NEGR1: variants seen among roughly 807,000 people sequenced by gnomAD.
The protein encoded by NEGR1 is neuronal growth regulator 1, also known as IgLON family member 4.
A neutral mutation model predicts 40.9 loss-of-function variants in NEGR1; 10 were observed. The ratio of observed to expected loss-of-function variants is 0.24; its 90% CI spans 0.15 to 0.42. The LOEUF is 0.42. NEGR1 is among the 10% of genes least tolerant of loss of function. NEGR1 has a pLI of 1.00. For missense variants in NEGR1, 352 were observed against 438.9 expected, an observed-to-expected ratio of 0.80 and a Z score of 1.77; for synonymous variants, 185 against 166.8, an observed-to-expected ratio of 1.11 and a Z score of -0.84.
chr1:71,706,683 C>G (rs572102441), intron 3 of NEGR1, among the ~76,000 whole-genome samples: 79 of 151,754 alleles, frequency 5.2e-4, no homozygotes, highest in African/African-American at 1.9e-3. Context: ...GGGCATGGAT[C>G]AGACTCAAAA....
intron 1 of NEGR1, among the ~76,000 whole-genome samples, chr1:72,175,699 T>C (rs981303620): frequency 2.0e-5 from 3 of 151,748 alleles, no homozygotes; most frequent in African/African-American, 7.3e-5. Flanking sequence ...AAAAAACACA[T>C]GTGAACACAA....
intron 1 of NEGR1, among the ~76,000 whole-genome samples, chr1:72,223,006 C>A (rs1570141710): frequency 6.6e-6 from 1 of 152,110 alleles, no homozygotes; most frequent in African/African-American, 2.4e-5. Flanking sequence ...GTTGTGCCTA[C>A]TGGACATTTA....
intron 1 of NEGR1, among the ~76,000 whole-genome samples, chr1:71,964,006 G>T (rs1221648750): frequency 6.6e-6 from 1 of 152,002 alleles, no homozygotes; most frequent in Admixed American, 6.6e-5. Context: ...AATGATGAGG[G>T]GTGGTGTTCT....
chr1:72,175,901 T>C (rs1652147268), intron 1 of NEGR1, among the ~76,000 whole-genome samples: 1 of 152,120 alleles, frequency 6.6e-6, no homozygotes, highest in Non-Finnish European at 1.5e-5. Context: ...TAAATAAAAC[T>C]ATTTTATGTC....
Position 72,012,876 on chromosome 1 carries a change from TA to T in NEGR1, c.177-77566del, listed in dbSNP as rs1167879324. ...ATATATACACACACACATATATATATATTTTTTTTTTTGTAGAGCAAGATAC... is the reference window on the plus strand; with the variant it reads ...ATATATACACACACACATATATATATTTTTTTTTTTTGTAGAGCAAGATAC... On this transcript the variant is annotated intron_variant, in intron 1 of 6. Transcript: ENST00000357731. 6.8e-3 allele frequency among the ~76,000 whole-genome samples: 692 copies of T among 101,316 alleles called. 3 individuals carry two copies. The highest frequency in any genetic ancestry group is 0.028 in the African/African-American group (624 of 22,020). 66.5% of individuals were successfully genotyped at this position (101,316 alleles called of 152,430 possible).
intron 1 of NEGR1, among the ~76,000 whole-genome samples, chr1:72,075,936 G>A (rs982601826): frequency 1.3e-5 from 2 of 152,074 alleles, no homozygotes; most frequent in Non-Finnish European, 2.9e-5. Flanking sequence ...GTTGATTTTT[G>A]CAAATCTCAA....
intron 3 of NEGR1, among the ~76,000 whole-genome samples, chr1:71,773,312 GACATGAGGTATATCT>G (rs1656394041): frequency 1.3e-5 from 2 of 152,112 alleles, no homozygotes; most frequent in South Asian, 4.1e-4. Flanking sequence ...TTCTCGTGTT[GACATGAGGTATATCT>G]ACATCTGTTT....
Position 71,398,903 on chromosome 1 carries a change from G to A in NEGR1, c.*8543C>T, listed in dbSNP as rs1436876219. On this transcript the variant is annotated 3_prime_UTR_variant, in exon 7 of 7. Coordinates refer to ENST00000357731, the MANE Select transcript of NEGR1 (RefSeq NM_173808.3). ...CTCATGAGATCTGATGGTTTTATAA[G>A]GGGGAGTTTATCTGCACAAGCTCTT... The A allele has an allele frequency of 1.3e-5, 2 of 152,170 alleles. No individual in the cohort carries two copies. Among genetic ancestry groups the A allele is most frequent in the Non-Finnish European group, 2.9e-5 (2 of 68,076 alleles). The allele number at this position is 152,170 out of a possible 1,614,324, so 9.4% of individuals were successfully genotyped here. A position where few individuals can be genotyped will look rare whatever the true frequency, so the allele number is the denominator to read the frequency against.
intron 1 of NEGR1, among the ~76,000 whole-genome samples, chr1:72,199,810 T>C (rs1363902455): frequency 1.6e-4 from 25 of 151,690 alleles, no homozygotes; most frequent in African/African-American, 4.8e-5. Flanking sequence ...CAAAAATCTA[T>C]GAGGAACTTA....
intron 1 of NEGR1, among the ~76,000 whole-genome samples, chr1:71,961,103 T>G (rs528636201): frequency 6.6e-6 from 1 of 152,312 alleles, no homozygotes; most frequent in African/African-American, 2.4e-5. Context: ...TCTAATTTCC[T>G]GATCATATTT....
At chr1:71,859,822 T>C (rs1018198998) in intron 2 of NEGR1, among the ~76,000 whole-genome samples, 4 of 152,198 alleles carry the variant, frequency 2.6e-5, no homozygotes, top group Admixed American at 2.0e-4. Context: ...TCAACAAAAT[T>C]GTATTTAATT....
chr1:72,102,332 T>G (rs1648978560), intron 1 of NEGR1, among the ~76,000 whole-genome samples: 1 of 151,938 alleles, frequency 6.6e-6, no homozygotes, highest in African/African-American at 2.4e-5. Flanking sequence ...ATAAGAAAGC[T>G]CCATGGTCTT....
chr1:72,244,537 C>T (rs1003429575), intron 1 of NEGR1, among the ~76,000 whole-genome samples: 12 of 151,784 alleles, frequency 7.9e-5, no homozygotes, highest in South Asian at 2.1e-4. Context: ...TCTTTTATTT[C>T]GTATTACCAA....
intron 1 of NEGR1, among the ~76,000 whole-genome samples, chr1:71,956,962 T>G (rs547487882): frequency 5.3e-5 from 8 of 152,266 alleles, no homozygotes; most frequent in African/African-American, 1.9e-4. Context: ...TCTCTTCAAA[T>G]TCTACTTCCA....
intron 6 of NEGR1, among the ~76,000 whole-genome samples, chr1:71,581,271 T>C (rs1220515111): frequency 6.6e-6 from 1 of 152,184 alleles, no homozygotes; most frequent in Non-Finnish European, 1.5e-5. Flanking sequence ...TACAGGTTGA[T>C]TTATTGCTTA....
chr1:71,722,025 G>C (rs915309591), intron 3 of NEGR1, among the ~76,000 whole-genome samples: 2 of 152,200 alleles, frequency 1.3e-5, no homozygotes, highest in African/African-American at 4.8e-5. Context: ...ATTTTAACTA[G>C]GGTAAGACGT....
At chr1:71,753,034 C>T (rs905815279) in intron 3 of NEGR1, among the ~76,000 whole-genome samples, 1 of 152,066 alleles carries the variant, frequency 6.6e-6, no homozygotes, top group Non-Finnish European at 1.5e-5. Context: ...TGGGGTCTAT[C>T]AGAATTGAGT....
At chr1:72,231,978 T>C (rs895491720) in intron 1 of NEGR1, among the ~76,000 whole-genome samples, 3 of 152,136 alleles carry the variant, frequency 2.0e-5, no homozygotes, top group African/African-American at 7.2e-5. Flanking sequence ...TGCCTGCATT[T>C]AGCTCATATG....
intron 2 of NEGR1, among the ~76,000 whole-genome samples, chr1:71,829,327 G>A (rs1658756383): frequency 6.6e-6 from 1 of 151,834 alleles, no homozygotes; most frequent in African/African-American, 2.4e-5. Flanking sequence ...TCACCAACCA[G>A]TAAGTAAAAT....
Sources: gnomAD v4.1 joint callset for allele counts (sites outside exome capture counted in the v4.1 genomes callset) on GRCh38, gnomAD v4.1.1 for gene constraint, MANE v1.5 for transcripts, NCBI Gene and HGNC (gene_info 2026-07-23, HGNC 2026-07-21) for gene names.